The following HTR3E variants were observed in gnomAD, a reference collection of about 807,000 sequenced individuals.
HTR3E encodes the protein 5-hydroxytryptamine receptor 3E.
Under a neutral mutation model 38.0 loss-of-function variants are expected in HTR3E, and 38 were observed. The observed-to-expected ratio is 1.00, with a 90% CI of 0.77 to 1.31. The LOEUF is 1.31. Ranked by LOEUF, HTR3E falls within the 50% of genes most tolerant of loss-of-function variation. HTR3E has a pLI of 0.00. For missense variants in HTR3E, 547 were observed against 585.2 expected (o/e 0.93, Z 0.67); for synonymous variants, 210 against 232.9 (o/e 0.90, Z 0.89).
chr3:184,099,217 G>A (rs1711828299), intron 1 of HTR3E, among the ~76,000 whole-genome samples: 1 of 151,690 alleles, frequency 6.6e-6, no homozygotes, highest in Non-Finnish European at 1.5e-5. Flanking sequence ...AATATAGTGA[G>A]ATCCCCGTCT....
intron 3 of HTR3E, among the ~76,000 whole-genome samples, chr3:184,102,336 C>T (rs6443951): frequency 0.31 from 46,988 of 151,566 alleles, 8,464 homozygotes; most frequent in South Asian, 0.47. Flanking sequence ...TGGTGTTTCA[C>T]GTCTGTAGTC....
intron 1 of HTR3E, among the ~76,000 whole-genome samples, chr3:184,099,222 C>A (rs1711828644): frequency 1.3e-5 from 2 of 151,460 alleles, no homozygotes; most frequent in Admixed American, 1.3e-4. Context: ...AGTGAGATCC[C>A]CGTCTCTACA....
At position 184,105,406 on chromosome 3, in the gene HTR3E, G is replaced by C. The variant is rs2108994678; in HGVS notation, c.699G>C (p.Leu233=). The change falls in exon 6 of 9, where the codon CTG becomes CTC. Residue 233 remains leucine (L), a synonymous_variant. Coordinates refer to ENST00000415389, the MANE Select transcript of HTR3E (RefSeq NM_001256613.2). ...ATAKLSRGGN[L]YDQIVFYVAI... ...CAAAGTTGTCCAGGGGAGGCAACCT[G>C]TATGATCAGATCGTGTTCTATGTGA... 4 of 1,612,810 alleles carry C rather than the reference G, an allele frequency of 2.5e-6. No individual in the cohort carries two copies. In the African/African-American group the frequency reaches 4.0e-5, roughly 16 times the overall value.
At chr3:184,097,663 A>T in intron 1 of HTR3E, 67 bp downstream of exon 1, 1 of 1,236,236 alleles carries the variant, frequency 8.1e-7, no homozygotes, top group African/African-American at 1.5e-5. Flanking sequence ...AACATCTAGG[A>T]ACTTTTTTCA....
chr3:184,100,097 C>A, intron 1 of HTR3E: 1 of 1,241,780 alleles, frequency 8.1e-7, no homozygotes, highest in Non-Finnish European at 1.0e-6. Flanking sequence ...AGCGTCTGGA[C>A]CCCTCTCGGT....
At position 184,104,841 on chromosome 3, in the gene HTR3E, T is replaced by C. The variant is rs1401039411; in HGVS notation, c.444T>C (p.Gly148=). 1 of 1,613,760 alleles carries C rather than the reference T, an allele frequency of 6.2e-7. No individual in the cohort carries two copies. Among genetic ancestry groups the C allele is most frequent in the Admixed American group, 1.7e-5 (1 of 59,964 alleles). The change falls in exon 5 of 9, where the codon GGT becomes GGC. Residue 148 remains glycine (G), a synonymous_variant. Coordinates refer to ENST00000415389, the MANE Select transcript of HTR3E (RefSeq NM_001256613.2). ...KGLTAYVSNE[G]RIRYKKPMKV... is the part of the protein sequence containing the mutation. ...TCACAGCATATGTAAGTAATGAAGG[T>C]CGCATCAGGTATAAGAAACCCATGA...
At chr3:184,100,757 C>T in intron 2 of HTR3E, 106 bp downstream of exon 2, 2 of 1,478,588 alleles carry the variant, frequency 1.4e-6, no homozygotes, top group South Asian at 2.6e-5. Context: ...TCCTCCACCA[C>T]TGCTGGATGG....
chr3:184,103,380 A>G (rs1378431353), intron 3 of HTR3E, among the ~76,000 whole-genome samples: 1 of 152,162 alleles, frequency 6.6e-6, no homozygotes, highest in African/African-American at 2.4e-5. Flanking sequence ...CTGTAATCCC[A>G]GCACTTTGGA....
chr3:184,101,719 G>C lies in HTR3E; in HGVS notation c.279+190G>C, dbSNP rs553576648. 1.2e-4 allele frequency among the ~76,000 whole-genome samples: 19 copies of C among 152,354 alleles called. No homozygotes were observed. The East Asian group carries it at 3.7e-3, about 29-fold the overall frequency. Reference sequence around the variant, plus strand: ...AAAATCAAGGAGAGGCTGGGCACGGGTGGCTCACGCCTGTAATCCCAATAC... The same window carrying C: ...AAAATCAAGGAGAGGCTGGGCACGGCTGGCTCACGCCTGTAATCCCAATAC... On this transcript the variant is annotated intron_variant, in intron 3 of 8. Coordinates refer to ENST00000415389, the MANE Select transcript of HTR3E (RefSeq NM_001256613.2).
rs771483584 is a variant in HTR3E at position 184,106,638 on chromosome 3, A to C, written c.1316A>C (p.Tyr439Ser). ...ATGGACGCCATGCTCTTCCGCCTCT[A>C]CCTGCTCTTCATGGCCTCCTCTATC... ...HAMDAMLFRL[Y>S]LLFMASSIIT... Residue 439 changes from tyrosine (Y) to serine (S), a missense_variant, in exon 9 of 9, where the codon TAC becomes TCC. Coordinates refer to ENST00000415389, the MANE Select transcript of HTR3E (RefSeq NM_001256613.2). The surrounding 1 kb of genome is among the most constrained non-coding windows in gnomAD (Gnocchi z 4.1). The C allele has an allele frequency of 3.1e-6, 5 of 1,614,026 alleles. No homozygotes were observed. The Admixed American group carries it at 6.7e-5, about 22-fold the overall frequency.
chr3:184,102,733 T>C (rs981236661), intron 3 of HTR3E, among the ~76,000 whole-genome samples: 3 of 151,862 alleles, frequency 2.0e-5, no homozygotes, highest in Non-Finnish European at 2.9e-5. Flanking sequence ...AAGACCACCC[T>C]GGGCAACATG....
At chr3:184,098,943 T>C (rs961425954) in intron 1 of HTR3E, among the ~76,000 whole-genome samples, 3 of 152,094 alleles carry the variant, frequency 2.0e-5, no homozygotes, top group Non-Finnish European at 2.9e-5. Context: ...CTTGGGAGGC[T>C]GAGGCAGAAG....
At chr3:184,103,328 A>T (rs1004270038) in intron 3 of HTR3E, among the ~76,000 whole-genome samples, 1 of 152,002 alleles carries the variant, frequency 6.6e-6, no homozygotes, top group Non-Finnish European at 1.5e-5. Context: ...CCAAAAATAT[A>T]AAAAAATCAG....
chr3:184,104,776 C>T lies in HTR3E; in HGVS notation c.390-11C>T, dbSNP rs543771349. Reference sequence around the variant, plus strand: ...CTGCAGCACCTGCCTCTTGCGTTATCTCTCCTCCAGCATGGATGTGGATAA... The same window carrying T: ...CTGCAGCACCTGCCTCTTGCGTTATTTCTCCTCCAGCATGGATGTGGATAA... On this transcript the variant is annotated splice_polypyrimidine_tract_variant and intron_variant, in intron 4 of 8. Transcript: ENST00000415389. The T allele has an allele frequency of 4.5e-6, 7 of 1,538,984 alleles. No individual in the cohort carries two copies. The highest frequency in any genetic ancestry group is 1.2e-5 in the South Asian group (1 of 86,256).
At position 184,106,114 on chromosome 3, in the gene HTR3E, C is replaced by T. The variant is rs777874406; in HGVS notation, c.926-14C>T. 5.6e-6 allele frequency: 9 copies of T among 1,613,480 alleles called. No homozygotes were observed. In the African/African-American group the frequency reaches 6.7e-5, roughly 12 times the overall value. On this transcript the variant is annotated splice_polypyrimidine_tract_variant and intron_variant, in intron 7 of 8. Transcript: ENST00000415389. The surrounding 1 kb of genome is among the most constrained non-coding windows in gnomAD (Gnocchi z 4.1). Reference sequence around the variant, plus strand: ...TGGTGCCTCTGGCCCTCACTAGGCCCCCCTTCCCTCCAGGTGTCTACTTCG... The same window carrying T: ...TGGTGCCTCTGGCCCTCACTAGGCCTCCCTTCCCTCCAGGTGTCTACTTCG...
intron 1 of HTR3E, 138 bp from the exon 2 acceptor site, chr3:184,100,347 C>T (rs1346096885): frequency 1.9e-6 from 3 of 1,598,804 alleles, no homozygotes; most frequent in African/African-American, 1.3e-5. Context: ...TTAGAATATA[C>T]CTGACACACA....
Position 184,097,202 on chromosome 3 carries a change from G to A in HTR3E, c.-328G>A, listed in dbSNP as rs1275372783. The A allele has an allele frequency of 5.3e-6, 1 of 189,400 alleles. No individual in the cohort carries two copies. Among genetic ancestry groups the A allele is most frequent in the Non-Finnish European group, 1.1e-5 (1 of 92,784 alleles). 11.7% of individuals were successfully genotyped at this position (189,400 alleles called of 1,614,324 possible). A position where few individuals can be genotyped will look rare whatever the true frequency, so the allele number is the denominator to read the frequency against. On this transcript the variant is annotated 5_prime_UTR_variant, in exon 1 of 9. An upstream start codon of the reference 5' UTR is lost. Coordinates refer to ENST00000415389, the MANE Select transcript of HTR3E (RefSeq NM_001256613.2). ...TAGAGGAAGTGAAACATTTATAAAT[G>A]TCTGAGAATTTTCCAAAATTGAAGA...
At position 184,100,099 on chromosome 3, in the gene HTR3E, C is replaced by T. The variant is rs1310681762; in HGVS notation, c.68-386C>T. 6.3e-6 allele frequency: 8 copies of T among 1,260,102 alleles called. No homozygotes were observed. The East Asian group carries it at 2.8e-4, about 44-fold the overall frequency. The allele number at this position is 1,260,102 out of a possible 1,614,324, so 78.1% of individuals were successfully genotyped here. A position where few individuals can be genotyped will look rare whatever the true frequency, so the allele number is the denominator to read the frequency against. ...GAAGGAAGAGCCCAGCGTCTGGACC[C>T]CTCTCGGTGATCCCCTCCCCATTCT... On this transcript the variant is annotated intron_variant, in intron 1 of 8. Transcript: ENST00000415389.
chr3:184,100,190 G>C, intron 1 of HTR3E: 2 of 1,424,000 alleles, frequency 1.4e-6, no homozygotes, highest in Non-Finnish European at 1.8e-6. Flanking sequence ...AACAAGTCCG[G>C]CTTCTGCCTT....
Sources: gnomAD v4.1 joint callset for allele counts (sites outside exome capture counted in the v4.1 genomes callset) on GRCh38, gnomAD v4.1.1 for gene constraint, Gnocchi (gnomAD v3.1) non-coding constraint, MANE v1.5 for transcripts, NCBI Gene and HGNC (gene_info 2026-07-23, HGNC 2026-07-21) for gene names.